The following TRAF5 variants were observed in gnomAD, a reference collection of about 807,000 sequenced individuals.
The protein encoded by TRAF5 is TNF receptor associated factor 5, also known as TNF receptor-associated factor 5.
TRAF5 carries 48 observed loss-of-function variants against 64.5 expected under a neutral mutation model. The observed-to-expected ratio is 0.74, with a 90% CI of 0.59 to 0.95. TRAF5 has a LOEUF of 0.95. TRAF5 is among the 40% of genes least tolerant of loss of function. The pLI is 0.00. For synonymous variants in TRAF5, 206 were observed against 240.5 expected, an observed-to-expected ratio of 0.86 and a Z score of 1.33; for missense variants, 545 against 662.8, an observed-to-expected ratio of 0.82 and a Z score of 1.95.
chr1:211,352,263 A>G lies in TRAF5; in HGVS notation c.-1-976A>G, dbSNP rs531374039. 9.2e-5 allele frequency among the ~76,000 whole-genome samples: 14 copies of G among 152,156 alleles called. No homozygotes were observed. The South Asian group carries it at 2.9e-3, about 32-fold the overall frequency. ...TGGATGGCAGTAGGCAAAATGAGAGAGAGCTTGTGCAGGGAAACTCCACCT... is the reference window on the plus strand; with the variant it reads ...TGGATGGCAGTAGGCAAAATGAGAGGGAGCTTGTGCAGGGAAACTCCACCT... On this transcript the variant is annotated intron_variant, in intron 1 of 10. Coordinates refer to ENST00000261464, the MANE Select transcript of TRAF5 (RefSeq NM_001033910.3).
chr1:211,366,460 A>G (rs761561125), intron 8 of TRAF5, among the ~76,000 whole-genome samples: 3 of 152,162 alleles, frequency 2.0e-5, no homozygotes, highest in Non-Finnish European at 2.9e-5. Context: ...TGTAGCCTCT[A>G]CCCTTGAAGA....
intron 6 of TRAF5, 78 bp downstream of exon 6, chr1:211,360,857 G>T: frequency 7.3e-7 from 1 of 1,370,884 alleles, no homozygotes. Context: ...GTTTGATACA[G>T]TCCCAAAGAT....
intron 4 of TRAF5, chr1:211,359,153 C>T (rs1703089278): frequency 6.6e-6 from 1 of 152,054 alleles, no homozygotes; most frequent in African/African-American, 2.4e-5. Context: ...ATTGGGGTCT[C>T]ACTGTGTTGC....
chr1:211,342,099 A>G lies in TRAF5; in HGVS notation c.-1-11140A>G, dbSNP rs775384468. On this transcript the variant is annotated intron_variant, in intron 1 of 10. Coordinates refer to ENST00000261464, the MANE Select transcript of TRAF5 (RefSeq NM_001033910.3). ...GTGTATTTGAGGCCTTGTGGGCCATATGGTCTGTGGGGCAACTGCTCAGCT... is the reference window on the plus strand; with the variant it reads ...GTGTATTTGAGGCCTTGTGGGCCATGTGGTCTGTGGGGCAACTGCTCAGCT... Among the ~76,000 whole-genome samples, 117 of 152,200 alleles carry G rather than the reference A, an allele frequency of 7.7e-4. 2 individuals carry two copies. Among genetic ancestry groups the G allele is most frequent in the Non-Finnish European group, 7.6e-4 (52 of 68,034 alleles).
chr1:211,326,814 G>A, upstream of TRAF5: 3 of 983,996 alleles, frequency 3.0e-6, no homozygotes, highest in Non-Finnish European at 2.4e-6. This position sits in a 1 kb window ranked among gnomAD's most constrained non-coding sequence, Gnocchi z 5.0. Flanking sequence ...CCGCTTCGCC[G>A]CCGCCGCCGG....
At chr1:211,360,468 T>G (rs1004182888) in intron 5 of TRAF5, 2 of 515,944 alleles carry the variant, frequency 3.9e-6, no homozygotes, top group South Asian at 5.8e-5. Flanking sequence ...CCAATCTACC[T>G]TCTTTGAATC....
chr1:211,367,850 G>A (rs1288714711), intron 8 of TRAF5, among the ~76,000 whole-genome samples: 1 of 152,156 alleles, frequency 6.6e-6, no homozygotes, highest in African/African-American at 2.4e-5. Flanking sequence ...TGCCCTCTCT[G>A]TGCCAGGCAC....
intron 1 of TRAF5, among the ~76,000 whole-genome samples, chr1:211,344,473 G>C (rs59377914): frequency 0.036 from 5,477 of 152,314 alleles, 327 homozygotes; most frequent in African/African-American, 0.13. Flanking sequence ...TCGGTGGACT[G>C]TGGTCACATG....
At chr1:211,341,039 G>A (rs528207564) in intron 1 of TRAF5, among the ~76,000 whole-genome samples, 1 of 152,156 alleles carries the variant, frequency 6.6e-6, no homozygotes, top group Non-Finnish European at 1.5e-5. Context: ...GTCAGGAAGG[G>A]GGAAGGGGGA....
chr1:211,364,504 G>C (rs1007682434), intron 7 of TRAF5, among the ~76,000 whole-genome samples: 8 of 152,044 alleles, frequency 5.3e-5, no homozygotes, highest in African/African-American at 1.9e-4. Context: ...GAGCAATATG[G>C]TGAAACCCCC....
At chr1:211,366,031 T>C (rs1457751237) in intron 8 of TRAF5, among the ~76,000 whole-genome samples, 1 of 152,244 alleles carries the variant, frequency 6.6e-6, no homozygotes, top group East Asian at 1.9e-4. Context: ...GGAAATTATA[T>C]GCAAATGCCT....
chr1:211,369,437 C>T lies in TRAF5; in HGVS notation c.790-15C>T, dbSNP rs745539546. 2.3e-5 allele frequency: 36 copies of T among 1,567,160 alleles called. No homozygotes were observed. In the African/African-American group the frequency reaches 2.5e-4, roughly 11 times the overall value. Reference sequence around the variant, plus strand: ...TATTCAGTGACTTTATTTTTCCTCACGTTCCTGTTATTAGATTTCTGACTT... The same window carrying T: ...TATTCAGTGACTTTATTTTTCCTCATGTTCCTGTTATTAGATTTCTGACTT... On this transcript the variant is annotated splice_polypyrimidine_tract_variant and intron_variant, in intron 8 of 10. Transcript: ENST00000261464.
At chr1:211,326,750 T>TGCGC, upstream of TRAF5, 1 of 985,336 alleles carries the variant, frequency 1.0e-6, no homozygotes, top group Non-Finnish European at 1.2e-6. The surrounding 1 kb of genome is among the most constrained non-coding windows in gnomAD (Gnocchi z 5.0). Context: ...GCTCTTCCCC[T>TGCGC]GCGCCCGCCC....
At chr1:211,369,341 T>G (rs56069884) in intron 8 of TRAF5, 111 bp from the exon 9 acceptor site, 3 of 976,492 alleles carry the variant, frequency 3.1e-6, no homozygotes, top group Non-Finnish European at 4.3e-6. Context: ...GAAATAAATA[T>G]GTAGATTTTT....
At chr1:211,339,724 C>CCTGGGGTGTGT (rs1361797623) in intron 1 of TRAF5, among the ~76,000 whole-genome samples, 3 of 152,098 alleles carry the variant, frequency 2.0e-5, no homozygotes, top group Admixed American at 1.3e-4. Flanking sequence ...CTGGGGTGTG[C>CCTGGGGTGTGT]CTGGGGTGTG....
At chr1:211,346,741 G>T (rs1408594445) in intron 1 of TRAF5, among the ~76,000 whole-genome samples, 2 of 152,116 alleles carry the variant, frequency 1.3e-5, no homozygotes, top group South Asian at 4.1e-4. Context: ...CTAAGCTCAC[G>T]TTGCTTCAGA....
chr1:211,345,171 C>A (rs1353737507), intron 1 of TRAF5, among the ~76,000 whole-genome samples: 2 of 152,174 alleles, frequency 1.3e-5, no homozygotes, highest in Admixed American at 6.5e-5. Context: ...CCCACCTCGG[C>A]CTCCCAGAGT....
intron 7 of TRAF5, among the ~76,000 whole-genome samples, chr1:211,364,482 C>T (rs929509067): frequency 6.6e-6 from 1 of 151,844 alleles, no homozygotes; most frequent in Non-Finnish European, 1.5e-5. Context: ...GTCAGGAGTT[C>T]GAGACCAGCC....
intron 1 of TRAF5, among the ~76,000 whole-genome samples, chr1:211,339,350 A>G (rs1043728137): frequency 1.3e-5 from 2 of 152,224 alleles, no homozygotes; most frequent in Non-Finnish European, 2.9e-5. Flanking sequence ...ACTAACCAGA[A>G]GAGCTGCCAG....
Sources: gnomAD v4.1 joint callset for allele counts (sites outside exome capture counted in the v4.1 genomes callset) on GRCh38, gnomAD v4.1.1 for gene constraint, Gnocchi (gnomAD v3.1) non-coding constraint, MANE v1.5 for transcripts, NCBI Gene and HGNC (gene_info 2026-07-23, HGNC 2026-07-21) for gene names.